Variants in MPP2 observed in about 807,000 individuals in gnomAD.
MPP2 encodes the protein MAGUK p55 subfamily member 2.
In MPP2, 42 loss-of-function variants were observed where a neutral mutation model predicts 58.5. That is an observed-to-expected ratio of 0.72 (90% CI 0.56 to 0.93). The LOEUF is 0.93. MPP2 is among the 40% of genes least tolerant of loss of function. The pLI, the probability that MPP2 is intolerant of heterozygous loss-of-function variation, is 0.00. For missense variants in MPP2, 632 were observed against 760.4 expected, an observed-to-expected ratio of 0.83 and a Z score of 1.99; for synonymous variants, 300 against 307.8, an observed-to-expected ratio of 0.97 and a Z score of 0.26.
Position 43,879,641 on chromosome 17 carries a change from TG to T in MPP2, c.1353+140del. 1 of 1,069,776 alleles carries T rather than the reference TG, an allele frequency of 9.3e-7. No individual in the cohort carries two copies. 66.3% of individuals were successfully genotyped at this position (1,069,776 alleles called of 1,614,324 possible). A position where few individuals can be genotyped will look rare whatever the true frequency, so the allele number is the denominator to read the frequency against. On this transcript the variant is annotated intron_variant, in intron 11 of 12. Transcript: ENST00000269095. This position sits in a 1 kb window ranked among gnomAD's most constrained non-coding sequence, Gnocchi z 4.1. The stretch of plus-strand genomic sequence containing the variant: ...CTGGAAGGCTGAGAAAGGTTCCAGG[TG>T]GGCTGGGTTTCTAGCAGTAGTTGAG...
chr17:43,879,744 G>A lies in MPP2; in HGVS notation c.1353+38C>T. On this transcript the variant is annotated intron_variant, in intron 11 of 12. Transcript: ENST00000269095. The surrounding 1 kb of genome is among the most constrained non-coding windows in gnomAD (Gnocchi z 4.1). ...GGGGGAGCAATGAGGCAGCAGAGAGGACATTGGGCAGGCTGGGAAGGAGCA... is the reference window on the plus strand; with the variant it reads ...GGGGGAGCAATGAGGCAGCAGAGAGAACATTGGGCAGGCTGGGAAGGAGCA... 1.2e-6 allele frequency: 2 copies of A among 1,606,540 alleles called. No homozygotes were observed. The highest frequency in any genetic ancestry group is 1.7e-6 in the Non-Finnish European group (2 of 1,175,812).
intron 3 of MPP2, among the ~76,000 whole-genome samples, chr17:43,892,982 T>TGATG (rs6146066): frequency 1.9e-4 from 28 of 150,272 alleles, no homozygotes; most frequent in Non-Finnish European, 3.5e-4. Flanking sequence ...AATAGGTATT[T>TGATG]GATGGATGGA....
At chr17:43,900,364 T>C in intron 2 of MPP2, 1 of 1,341,384 alleles carries the variant, frequency 7.5e-7, no homozygotes. Context: ...GAAGGTGCCC[T>C]CAGATGACCT....
At chr17:43,886,063 G>A (rs949368715) in intron 3 of MPP2, among the ~76,000 whole-genome samples, 3 of 151,402 alleles carry the variant, frequency 2.0e-5, no homozygotes, top group Non-Finnish European at 2.9e-5. Flanking sequence ...AGCTGAGATC[G>A]CGCCACTGCC....
intron 1 of MPP2, among the ~76,000 whole-genome samples, chr17:43,906,613 G>T (rs576164437): frequency 1.6e-4 from 24 of 152,190 alleles, no homozygotes; most frequent in Non-Finnish European, 3.4e-4. Flanking sequence ...GAGGTCGCGG[G>T]GAGGTCTGGA....
Position 43,877,813 on chromosome 17 carries a change from C to A in MPP2, c.1653G>T (p.Val551=). 1 of 1,613,408 alleles carries A rather than the reference C, an allele frequency of 6.2e-7. No homozygotes were observed. The highest frequency in any genetic ancestry group is 1.1e-5 in the South Asian group (1 of 91,058). The change falls in exon 13 of 13, where the codon GTG becomes GTT. Residue 551 remains valine (V), a synonymous_variant. Transcript: ENST00000269095. ...TEPQWVPVSW[V]Y Reference sequence around the variant, plus strand: ...AAAGACCAGGTGAACAGGCTCAGTACACCCAGCTGACAGGCACCCACTGGG... The same window carrying A: ...AAAGACCAGGTGAACAGGCTCAGTAAACCCAGCTGACAGGCACCCACTGGG...
At chr17:43,905,176 T>TAAA (rs11394569) in intron 1 of MPP2, among the ~76,000 whole-genome samples, 2 of 148,022 alleles carry the variant, frequency 1.4e-5, no homozygotes, top group Non-Finnish European at 1.5e-5. Context: ...GAACCTGTCT[T>TAAA]AAAAAAAAAA....
At chr17:43,908,050 A>G (rs376526848), upstream of MPP2, 1 of 911,046 alleles carries the variant, frequency 1.1e-6, no homozygotes. Flanking sequence ...CGGATTCCAG[A>G]CTTTCCAGAA....
chr17:43,903,315 T>G (rs910592762), intron 2 of MPP2, among the ~76,000 whole-genome samples: 1 of 151,372 alleles, frequency 6.6e-6, no homozygotes, highest in Non-Finnish European at 1.5e-5. Flanking sequence ...TTAAGAACAC[T>G]GATCTTGTCC....
In MPP2 at chr17:43,876,645, A is replaced by ACACACACGCACGTG. The variant is rs1427632000; in HGVS notation, c.*1161_*1162insCACGTGCGTGTGTG. On this transcript the variant is annotated 3_prime_UTR_variant, in exon 13 of 13. Transcript: ENST00000269095. ...CCTCCCCAAATTAAACCTGACACAC[A>ACACACACGCACGTG]CACACACACACGCACGTGCACACGC... 7 of 118,060 alleles carry ACACACACGCACGTG rather than the reference A, an allele frequency of 5.9e-5. No homozygotes were observed. Among genetic ancestry groups the ACACACACGCACGTG allele is most frequent in the African/African-American group, 2.0e-4 (7 of 35,124 alleles). The allele number at this position is 118,060 out of a possible 1,614,324, so 7.3% of individuals were successfully genotyped here.
intron 2 of MPP2, chr17:43,901,187 G>T: frequency 2.2e-6 from 2 of 892,740 alleles, no homozygotes; most frequent in Non-Finnish European, 2.7e-6. Flanking sequence ...AGCCTCAGAC[G>T]CCTCCCCCTA....
intron 2 of MPP2, chr17:43,900,558 C>T (rs2048049021): frequency 6.5e-7 from 1 of 1,542,190 alleles, no homozygotes; most frequent in Non-Finnish European, 8.8e-7. Context: ...GCCATGGCGG[C>T]CCCCAGACCC....
Position 43,907,477 on chromosome 17 carries a change from C to T in MPP2, c.-37G>A, listed in dbSNP as rs564954955. 8 of 985,556 alleles carry T rather than the reference C, an allele frequency of 8.1e-6. No homozygotes were observed. The African/African-American group carries it at 1.4e-4, about 17-fold the overall frequency. The allele number at this position is 985,556 out of a possible 1,614,324, so 61.1% of individuals were successfully genotyped here. A position where few individuals can be genotyped will look rare whatever the true frequency, so the allele number is the denominator to read the frequency against. On this transcript the variant is annotated 5_prime_UTR_variant, in exon 1 of 13. Coordinates refer to ENST00000269095, the MANE Select transcript of MPP2 (RefSeq NM_005374.5). Reference sequence around the variant, plus strand: ...CCGGGGGCCGGGGGACGCCTACCTGCGCCCCGGGAAGCCCCTAGCTCCGGG... The same window carrying T: ...CCGGGGGCCGGGGGACGCCTACCTGTGCCCCGGGAAGCCCCTAGCTCCGGG...
At chr17:43,886,352 T>C (rs1434483926) in intron 3 of MPP2, among the ~76,000 whole-genome samples, 2 of 151,658 alleles carry the variant, frequency 1.3e-5, no homozygotes, top group African/African-American at 4.8e-5. Context: ...TGGCGCGATC[T>C]CAGCTCACTG....
intron 1 of MPP2, 195 bp downstream of exon 1, chr17:43,907,279 G>A (rs2048328368): frequency 1.0e-6 from 1 of 985,626 alleles, no homozygotes; most frequent in African/African-American, 1.7e-5. Flanking sequence ...TGGGCAGCGG[G>A]GCTTGGTTCT....
At chr17:43,878,810 G>A (rs78027755) in intron 12 of MPP2, among the ~76,000 whole-genome samples, 2,927 of 152,322 alleles carry the variant, frequency 0.019, 37 homozygotes, top group Non-Finnish European at 0.031. Flanking sequence ...GTTCTGCAAT[G>A]AGGCCTTGAA....
rs542482991 is a variant in MPP2 at position 43,881,809 on chromosome 17, C to T, written c.682-220G>A. The stretch of plus-strand genomic sequence containing the variant: ...GATCTCAGGACCAAGGATGCGGGAC[C>T]ACCAAGTAGGGCACAGGACCCTGGC... On this transcript the variant is annotated intron_variant, in intron 6 of 12. Transcript: ENST00000269095. Among the ~76,000 whole-genome samples the T allele has an allele frequency of 1.1e-4, 16 of 152,252 alleles. No homozygotes were observed. In the South Asian group the frequency reaches 3.3e-3, roughly 32 times the overall value.
intron 2 of MPP2, 109 bp downstream of exon 2, chr17:43,904,321 G>C: frequency 1.0e-6 from 1 of 991,306 alleles, no homozygotes; most frequent in Non-Finnish European, 1.6e-6. Flanking sequence ...GTGGACAGCA[G>C]TGGAGCCAGT....
chr17:43,900,340 A>T (rs1277313902), intron 2 of MPP2: 15 of 1,023,232 alleles, frequency 1.5e-5, no homozygotes, highest in Non-Finnish European at 2.1e-5. Flanking sequence ...CCCTCTGCCC[A>T]GGACAGCTCT....
Sources: allele counts gnomAD v4.1 joint callset (sites outside exome capture counted in the v4.1 genomes callset), GRCh38; gene constraint gnomAD v4.1.1; non-coding constraint Gnocchi (gnomAD v3.1); transcripts MANE v1.5; gene names NCBI Gene and HGNC (gene_info 2026-07-23, HGNC 2026-07-21).